MS4A12: variants seen among roughly 807,000 people sequenced by gnomAD.
MS4A12 encodes membrane spanning 4-domains A12.
A neutral mutation model predicts 23.7 loss-of-function variants in MS4A12; 28 were observed. The observed-to-expected ratio is 1.18, with a 90% confidence interval of 0.88 to 1.62. The LOEUF (loss-of-function observed/expected upper bound fraction) is 1.62, where lower values mean the gene tolerates loss of function less well. Among genes scored for constraint, MS4A12 ranks in the 40% most tolerant of loss-of-function variants. The pLI, the probability that MS4A12 is intolerant of heterozygous loss-of-function variation, is 0.00. For missense variants in MS4A12, 342 were observed against 327.0 expected (o/e 1.05, Z -0.35); for synonymous variants, 108 against 110.1 (o/e 0.98, Z 0.12).
rs531974152 is a variant in MS4A12 at position 60,499,827 on chromosome 11, T to A, written c.277-1218T>A. On this transcript the variant is annotated intron_variant, in intron 2 of 6. Coordinates refer to ENST00000016913, the MANE Select transcript of MS4A12 (RefSeq NM_017716.3). ...AAGTTTTGGACCAATCTAGAAATGATTATTCCTCAGAAATCTATCTTTATT... is the reference window on the plus strand; with the variant it reads ...AAGTTTTGGACCAATCTAGAAATGAATATTCCTCAGAAATCTATCTTTATT... Among the ~76,000 whole-genome samples, 7 of 152,288 alleles carry A rather than the reference T, an allele frequency of 4.6e-5. No individual in the cohort carries two copies. The East Asian group carries it at 1.2e-3, about 25-fold the overall frequency.
chr11:60,503,010 C>A (rs142653144), intron 4 of MS4A12, among the ~76,000 whole-genome samples: 1 of 152,138 alleles, frequency 6.6e-6, no homozygotes, highest in African/African-American at 2.4e-5. Context: ...CTCTAAGGCA[C>A]GCTGCAGCAC....
chr11:60,502,226 T>A (rs1300926006), intron 4 of MS4A12, among the ~76,000 whole-genome samples, 187 bp downstream of exon 4: 1 of 152,158 alleles, frequency 6.6e-6, no homozygotes, highest in Non-Finnish European at 1.5e-5. Flanking sequence ...CACTAAGAAA[T>A]GGCAGAGCTC....
intron 1 of MS4A12, among the ~76,000 whole-genome samples, chr11:60,494,114 G>T (rs2086470420): frequency 6.6e-6 from 1 of 152,140 alleles, no homozygotes; most frequent in Non-Finnish European, 1.5e-5. Flanking sequence ...TTACAGAATT[G>T]TCTTCATTTC....
chr11:60,497,459 G>C lies in MS4A12; in HGVS notation c.141G>C (p.Gln47His). ...TAGAAAACCAAGCTCAGGGTGCTCA[G>C]CGTGCTCAGCCCTACGGCATCACAT... The part of the protein sequence containing the change: ...INLENQAQGA[Q>H]RAQPYGITSP... Residue 47 changes from glutamine to histidine, a missense_variant, in exon 2 of 7, where the codon CAG becomes CAC. Coordinates refer to ENST00000016913, the MANE Select transcript of MS4A12 (RefSeq NM_017716.3). 1 of 1,614,138 alleles carries C rather than the reference G, an allele frequency of 6.2e-7. No individual in the cohort carries two copies. The highest frequency in any genetic ancestry group is 2.2e-5 in the East Asian group (1 of 44,874).
At chr11:60,497,795 G>A (rs1293158593) in intron 2 of MS4A12, 1 of 583,814 alleles carries the variant, frequency 1.7e-6, no homozygotes, top group East Asian at 3.1e-5. Context: ...ACAAGACACA[G>A]AGGAGCCTCC....
In MS4A12 at chr11:60,507,174, A is replaced by G. The variant is rs1349833065; in HGVS notation, c.*50A>G. On this transcript the variant is annotated 3_prime_UTR_variant, in exon 7 of 7. Coordinates refer to ENST00000016913, the MANE Select transcript of MS4A12 (RefSeq NM_017716.3). ...AATCTCATGGAGAAAAACTACTTGCAAAAACTTCTTAAGAAGATGTCTTTT... is the reference window on the plus strand; with the variant it reads ...AATCTCATGGAGAAAAACTACTTGCGAAAACTTCTTAAGAAGATGTCTTTT... 7.2e-7 allele frequency: 1 copy of G among 1,389,410 alleles called. No individual in the cohort carries two copies. Among genetic ancestry groups the G allele is most frequent in the East Asian group, 2.3e-5 (1 of 43,796 alleles). 86.1% of individuals were successfully genotyped at this position (1,389,410 alleles called of 1,614,324 possible).
At chr11:60,504,501 C>G (rs1224811135) in intron 5 of MS4A12, among the ~76,000 whole-genome samples, 2 of 152,164 alleles carry the variant, frequency 1.3e-5, no homozygotes, top group African/African-American at 2.4e-5. Flanking sequence ...TGGAAAACCA[C>G]AGAAGAGTGG....
intron 5 of MS4A12, among the ~76,000 whole-genome samples, chr11:60,504,084 A>C (rs893514194): frequency 9.9e-5 from 15 of 152,220 alleles, no homozygotes; most frequent in African/African-American, 3.6e-4. Context: ...ATAGGCCTCC[A>C]TGGCTTCTAA....
At chr11:60,501,517 G>A (rs1419054706) in intron 3 of MS4A12, among the ~76,000 whole-genome samples, 1 of 152,200 alleles carries the variant, frequency 6.6e-6, no homozygotes, top group Non-Finnish European at 1.5e-5. Context: ...TGGGTGGAGA[G>A]AGAAAGAAAA....
At chr11:60,506,461 A>T (rs1316452425) in intron 5 of MS4A12, among the ~76,000 whole-genome samples, 1 of 152,198 alleles carries the variant, frequency 6.6e-6, no homozygotes, top group Non-Finnish European at 1.5e-5. Context: ...AAAAACAACG[A>T]GGCCATCACA....
At chr11:60,506,631 T>C in intron 5 of MS4A12, 97 bp from the exon 6 acceptor site, 1 of 789,974 alleles carries the variant, frequency 1.3e-6, no homozygotes, top group Non-Finnish European at 2.1e-6. Context: ...GCGAGTTGAG[T>C]ATAAGCAATA....
intron 1 of MS4A12, 96 bp from the exon 2 acceptor site, chr11:60,497,217 A>G (rs747514632): frequency 6.6e-5 from 90 of 1,369,684 alleles, no homozygotes; most frequent in Non-Finnish European, 8.8e-5. Flanking sequence ...TGTTCTCTCC[A>G]TTTGCATAGA....
intron 3 of MS4A12, 147 bp from the exon 4 acceptor site, chr11:60,501,836 G>C (rs534400125): frequency 1.5e-6 from 1 of 688,686 alleles, no homozygotes; most frequent in African/African-American, 1.8e-5. Context: ...ATATGACTGA[G>C]AGTTACTCCA....
chr11:60,507,178 ACTT>A lies in MS4A12; in HGVS notation c.*58_*60del. On this transcript the variant is annotated 3_prime_UTR_variant, in exon 7 of 7. Coordinates refer to ENST00000016913, the MANE Select transcript of MS4A12 (RefSeq NM_017716.3). ...TCATGGAGAAAAACTACTTGCAAAA[ACTT>A]CTTAAGAAGATGTCTTTTATTGTCT... The A allele has an allele frequency of 7.3e-7, 1 of 1,361,518 alleles. No individual in the cohort carries two copies. 84.3% of individuals were successfully genotyped at this position (1,361,518 alleles called of 1,614,324 possible). A position where few individuals can be genotyped will look rare whatever the true frequency, so the allele number is the denominator to read the frequency against.
At position 60,497,304 on chromosome 11, in the gene MS4A12, G is replaced by T; in HGVS notation, c.-6-9G>T. 6.3e-7 allele frequency: 1 copy of T among 1,589,064 alleles called. No individual in the cohort carries two copies. The highest frequency in any genetic ancestry group is 8.6e-7 in the Non-Finnish European group (1 of 1,169,446). Reference sequence around the variant, plus strand: ...AACGTATCACTTTTGTATGTTTTGTGATACTTAGGACATAATGATGTCATC... The same window carrying T: ...AACGTATCACTTTTGTATGTTTTGTTATACTTAGGACATAATGATGTCATC... On this transcript the variant is annotated splice_polypyrimidine_tract_variant and intron_variant, in intron 1 of 6. Coordinates refer to ENST00000016913, the MANE Select transcript of MS4A12 (RefSeq NM_017716.3).
chr11:60,503,470 C>T (rs1050678358), intron 4 of MS4A12, among the ~76,000 whole-genome samples: 2 of 152,064 alleles, frequency 1.3e-5, no homozygotes, highest in Admixed American at 1.3e-4. Flanking sequence ...TGAGTGCCTG[C>T]TTTATATGAT....
At chr11:60,497,847 G>C (rs894018490) in intron 2 of MS4A12, 2 of 437,790 alleles carry the variant, frequency 4.6e-6, no homozygotes, top group Non-Finnish European at 8.1e-6. Context: ...CAGAAGCACT[G>C]TTACATCTAG....
chr11:60,500,381 T>G (rs1233896035), intron 2 of MS4A12, among the ~76,000 whole-genome samples: 1 of 151,948 alleles, frequency 6.6e-6, no homozygotes, highest in East Asian at 1.9e-4. Context: ...TCAAGAAGAC[T>G]TCATGGAAAA....
In MS4A12 at chr11:60,497,005, G is replaced by C. The variant is rs149762037; in HGVS notation, c.-6-308G>C. Among the ~76,000 whole-genome samples, 87 of 152,300 alleles carry C rather than the reference G, an allele frequency of 5.7e-4. No homozygotes were observed. The East Asian group carries it at 6.8e-3, about 12-fold the overall frequency. On this transcript the variant is annotated intron_variant, in intron 1 of 6. Transcript: ENST00000016913. ...CCCAACATGTGCAGTTCACAGTAGG[G>C]TTCATGCTGCTATGAGAATCCAATG... is the stretch of plus-strand genomic sequence containing the variant.
Sources: gnomAD v4.1 joint callset for allele counts (sites outside exome capture counted in the v4.1 genomes callset) on GRCh38, gnomAD v4.1.1 for gene constraint, MANE v1.5 for transcripts, NCBI Gene and HGNC (gene_info 2026-07-23, HGNC 2026-07-21) for gene names.